Variants in ADK observed in about 807,000 individuals in gnomAD.
ADK encodes N6,N6-dimethyladenosine kinase.
A neutral mutation model predicts 44.7 loss-of-function variants in ADK; 24 were observed. The ratio of observed to expected loss-of-function variants is 0.54; its 90% CI spans 0.39 to 0.76. The LOEUF (loss-of-function observed/expected upper bound fraction) is 0.76. Among genes scored for constraint, ADK ranks in the 30% least tolerant of loss-of-function variants. ADK has a pLI of 0.00. For synonymous variants in ADK, 128 were observed against 142.6 expected (o/e 0.90, Z 0.73); for missense variants, 321 against 425.1 (o/e 0.76, Z 2.15).
chr10:74,485,005 C>G (rs1005464795), intron 6 of ADK, among the ~76,000 whole-genome samples: 2 of 151,330 alleles, frequency 1.3e-5, no homozygotes, highest in Non-Finnish European at 2.9e-5. Flanking sequence ...AAGCAGGACA[C>G]AAAAGCATAA....
chr10:74,481,534 T>C (rs1019700632), intron 6 of ADK, among the ~76,000 whole-genome samples: 1 of 152,192 alleles, frequency 6.6e-6, no homozygotes, highest in Non-Finnish European at 1.5e-5. Context: ...TGTTTCACCA[T>C]CTGTTAATAT....
rs149345822 is a variant in ADK at position 74,331,071 on chromosome 10, A to G, written c.273+16326A>G. 6.7e-3 allele frequency among the ~76,000 whole-genome samples: 1,022 copies of G among 152,162 alleles called. 8 individuals are homozygous for G. Among genetic ancestry groups the G allele is most frequent in the African/African-American group, 9.1e-3 (377 of 41,510 alleles). On this transcript the variant is annotated intron_variant, in intron 4 of 10. Transcript: ENST00000539909. ...TTTTTTGTTTTCATTTCTTTTATAC[A>G]TAATCGTTTTGAGCTATAAGAATAA...
At chr10:74,422,000 G>T (rs373119155) in intron 6 of ADK, among the ~76,000 whole-genome samples, 1 of 152,170 alleles carries the variant, frequency 6.6e-6, no homozygotes, top group East Asian at 1.9e-4. Context: ...CCAGAAGGGG[G>T]ATCCTACTTC....
intron 1 of ADK, among the ~76,000 whole-genome samples, chr10:74,168,241 C>T (rs1227060693): frequency 6.6e-6 from 1 of 152,090 alleles, no homozygotes; most frequent in East Asian, 1.9e-4. Flanking sequence ...AATGAATGAA[C>T]AATTTAAAAG....
intron 1 of ADK, among the ~76,000 whole-genome samples, chr10:74,157,550 A>G (rs560323672): frequency 6.6e-6 from 1 of 152,112 alleles, no homozygotes; most frequent in African/African-American, 2.4e-5. Flanking sequence ...ATTGGAAGAA[A>G]GTACCCAGAT....
intron 3 of ADK, among the ~76,000 whole-genome samples, chr10:74,251,314 G>A (rs1845643025): frequency 1.3e-5 from 2 of 152,080 alleles, no homozygotes; most frequent in Admixed American, 6.6e-5. Context: ...AGAGATAGCT[G>A]TTCAGTGTGT....
intron 4 of ADK, among the ~76,000 whole-genome samples, chr10:74,343,835 C>T (rs1841668565): frequency 6.6e-6 from 1 of 152,114 alleles, no homozygotes; most frequent in Non-Finnish European, 1.5e-5. Context: ...TCTCTAATTC[C>T]TGACCTCTTG....
At chr10:74,670,709 A>G (rs1009983549) in intron 10 of ADK, among the ~76,000 whole-genome samples, 5 of 152,194 alleles carry the variant, frequency 3.3e-5, no homozygotes, top group African/African-American at 9.6e-5. Context: ...TTCAAACACA[A>G]TAGTGGTTGT....
intron 9 of ADK, among the ~76,000 whole-genome samples, chr10:74,601,014 T>C (rs1235768432): frequency 6.6e-6 from 1 of 151,886 alleles, no homozygotes; most frequent in African/African-American, 2.4e-5. Flanking sequence ...AGCTACCCAC[T>C]ATTAAAAATA....
At chr10:74,387,600 G>A (rs529213818) in intron 4 of ADK, among the ~76,000 whole-genome samples, 59 of 152,132 alleles carry the variant, frequency 3.9e-4, no homozygotes, top group Non-Finnish European at 5.7e-4. Flanking sequence ...AAGACCAATT[G>A]ATACTGCTAC....
chr10:74,621,147 A>G (rs1004291991), intron 9 of ADK, among the ~76,000 whole-genome samples: 6 of 152,130 alleles, frequency 3.9e-5, no homozygotes, highest in Non-Finnish European at 5.9e-5. Context: ...ATTTTCCCAG[A>G]CCAATGTCTT....
At chr10:74,221,942 A>C (rs142418908) in intron 2 of ADK, among the ~76,000 whole-genome samples, 1,585 of 152,344 alleles carry the variant, frequency 0.01, 29 homozygotes, top group African/African-American at 0.036. Flanking sequence ...AGGCATTACT[A>C]TTCAGGACAT....
At chr10:74,703,113 A>T (rs1181426065) in intron 10 of ADK, among the ~76,000 whole-genome samples, 1 of 152,174 alleles carries the variant, frequency 6.6e-6, no homozygotes, top group Non-Finnish European at 1.5e-5. Context: ...GCATAGTCTG[A>T]ACTTAATCAT....
intron 6 of ADK, among the ~76,000 whole-genome samples, chr10:74,442,274 A>T (rs939060771): frequency 6.6e-6 from 1 of 151,802 alleles, no homozygotes; most frequent in Non-Finnish European, 1.5e-5. Flanking sequence ...TGGCACAGAG[A>T]TTATGAAAAA....
chr10:74,176,911 C>G, intron 1 of ADK: 1 of 1,609,568 alleles, frequency 6.2e-7, no homozygotes, highest in Non-Finnish European at 8.5e-7. Flanking sequence ...GCTGCCTTGA[C>G]TGCTCCGAGC....
At chr10:74,165,074 G>A (rs1290441930) in intron 1 of ADK, among the ~76,000 whole-genome samples, 1 of 152,126 alleles carries the variant, frequency 6.6e-6, no homozygotes, top group African/African-American at 2.4e-5. Flanking sequence ...ATGCCTAAGA[G>A]TGCCTGTTCT....
At chr10:74,202,273 A>G (rs935609664) in intron 2 of ADK, among the ~76,000 whole-genome samples, 1 of 152,170 alleles carries the variant, frequency 6.6e-6, no homozygotes, top group Non-Finnish European at 1.5e-5. Context: ...AGGTTCATCC[A>G]TGTTGTAGCA....
At chr10:74,622,932 G>A (rs1198897311) in intron 9 of ADK, among the ~76,000 whole-genome samples, 4 of 149,806 alleles carry the variant, frequency 2.7e-5, no homozygotes, top group Non-Finnish European at 4.5e-5. Flanking sequence ...GTTAGAACCC[G>A]GGAGGCGGAG....
intron 1 of ADK, among the ~76,000 whole-genome samples, chr10:74,185,883 T>A (rs142821753): frequency 6.8e-6 from 1 of 146,282 alleles, no homozygotes; most frequent in Admixed American, 6.8e-5. Flanking sequence ...ATCCTCCCTC[T>A]GTTGCCCAGG....
Sources: allele counts gnomAD v4.1 joint callset (sites outside exome capture counted in the v4.1 genomes callset), GRCh38; gene constraint gnomAD v4.1.1; transcripts MANE v1.5; gene names NCBI Gene and HGNC (gene_info 2026-07-23, HGNC 2026-07-21).